Variants in GSE1 observed in about 807,000 individuals in gnomAD.
The protein encoded by GSE1 is Gse1 coiled-coil protein.
In GSE1, 32 loss-of-function variants were observed where a neutral mutation model predicts 112.6. The observed-to-expected ratio is 0.28, with a 90% confidence interval of 0.21 to 0.38. The LOEUF (loss-of-function observed/expected upper bound fraction) is 0.38, where lower values mean the gene tolerates loss of function less well. Among genes scored for constraint, GSE1 ranks in the 10% least tolerant of loss-of-function variants. The probability of loss-of-function intolerance (pLI) is 1.00; values close to 1 mark genes in which losing one functional copy is unlikely to be tolerated. For missense variants in GSE1, 2,348 were observed against 1,699.2 expected (o/e 1.38, Z -6.71); for synonymous variants, 1,115 against 735.6 (o/e 1.52, Z -8.35).
intron 2 of GSE1, among the ~76,000 whole-genome samples, chr16:85,642,997 AG>A (rs945442032): frequency 2.6e-5 from 4 of 151,972 alleles, no homozygotes; most frequent in African/African-American, 9.7e-5. Flanking sequence ...ATGACTCTTC[AG>A]GGGGTGCCGG....
intron 1 of GSE1, among the ~76,000 whole-genome samples, chr16:85,613,824 G>A (rs1389061340): frequency 6.7e-6 from 1 of 148,366 alleles, no homozygotes; most frequent in Non-Finnish European, 1.5e-5. Flanking sequence ...GCGCCCCCGC[G>A]GCAGGTGCTG....
intron 2 of GSE1, among the ~76,000 whole-genome samples, chr16:85,388,038 A>AATG (rs1567728388): frequency 1.1e-4 from 2 of 18,574 alleles, no homozygotes; most frequent in Non-Finnish European, 1.3e-4. Context: ...ATGGATGAAC[A>AATG]GATGGATGGG....
chr16:85,358,784 A>T (rs924248053), intron 2 of GSE1, among the ~76,000 whole-genome samples: 1 of 152,114 alleles, frequency 6.6e-6, no homozygotes, highest in African/African-American at 2.4e-5. Flanking sequence ...CAGGCCACAA[A>T]ACAGGCCAGG....
chr16:85,396,816 C>T (rs923208374), intron 2 of GSE1, among the ~76,000 whole-genome samples: 6 of 152,190 alleles, frequency 3.9e-5, no homozygotes, highest in East Asian at 1.9e-4. Flanking sequence ...ATGGGCTGGG[C>T]GGTTGCCTGT....
intron 1 of GSE1, among the ~76,000 whole-genome samples, chr16:85,345,712 A>G (rs1222218782): frequency 6.6e-6 from 1 of 152,128 alleles, no homozygotes; most frequent in Non-Finnish European, 1.5e-5. Context: ...TTGTTTATTC[A>G]TACTCATGTT....
intron 1 of GSE1, among the ~76,000 whole-genome samples, chr16:85,212,427 C>T (rs551105468): frequency 7.4e-4 from 112 of 152,124 alleles, no homozygotes; most frequent in Middle Eastern, 3.4e-3. Context: ...AACAAAAAAA[C>T]AAACCTGGGG....
chr16:85,267,637 G>A (rs1444004396), intron 1 of GSE1, among the ~76,000 whole-genome samples: 1 of 152,164 alleles, frequency 6.6e-6, no homozygotes, highest in African/African-American at 2.4e-5. Context: ...GGATTGACCT[G>A]CCCTTGTTCC....
intron 1 of GSE1, among the ~76,000 whole-genome samples, chr16:85,193,961 G>A (rs1267768763): frequency 6.6e-6 from 1 of 152,146 alleles, no homozygotes; most frequent in Non-Finnish European, 1.5e-5. Flanking sequence ...GCACTTGTGT[G>A]TGTGTGTGCG....
At chr16:85,367,670 C>G (rs916664560) in intron 2 of GSE1, among the ~76,000 whole-genome samples, 1 of 152,156 alleles carries the variant, frequency 6.6e-6, no homozygotes, top group African/African-American at 2.4e-5. Context: ...GCATGCTTAC[C>G]CTCACCATGA....
At chr16:85,298,887 G>A (rs888041429) in intron 1 of GSE1, among the ~76,000 whole-genome samples, 2 of 152,246 alleles carry the variant, frequency 1.3e-5, no homozygotes, top group African/African-American at 4.8e-5. Flanking sequence ...GTTTATGGGT[G>A]TTTATGTCTG....
intron 1 of GSE1, among the ~76,000 whole-genome samples, chr16:85,624,447 C>A (rs968677972): frequency 6.6e-6 from 1 of 152,216 alleles, no homozygotes; most frequent in African/African-American, 2.4e-5. Flanking sequence ...CCAGAGCCTT[C>A]CTATTCCCAG....
At chr16:85,629,083 C>G (rs1407435893) in intron 1 of GSE1, among the ~76,000 whole-genome samples, 1 of 152,216 alleles carries the variant, frequency 6.6e-6, no homozygotes, top group Non-Finnish European at 1.5e-5. Flanking sequence ...CCCTCTCTCA[C>G]CACTGGATGT....
upstream of GSE1, among the ~76,000 whole-genome samples, chr16:85,551,146 A>G (rs140244456): frequency 3.1e-4 from 47 of 152,094 alleles, no homozygotes; most frequent in African/African-American, 9.6e-4. Context: ...CCTCTTTTCC[A>G]TAAATGTCTG....
chr16:85,170,130 G>A, exon 1 of GSE1: 2 of 985,316 alleles, frequency 2.0e-6, no homozygotes, highest in Non-Finnish European at 2.4e-6. Context: ...GGGCCCCAGG[G>A]CCAGGGCCTC....
rs186704527 is a variant in GSE1, at chr16:85,480,043, C to T, written c.2464+122400C>T. On this transcript the variant is annotated intron_variant, in intron 2 of 2. Transcript: ENST00000637419. Reference sequence around the variant, plus strand: ...CGGGTGATGTTTCTCTGCCATTGCCCGTGTTCCTGGCCGGTCCCCAGCACT... The same window carrying T: ...CGGGTGATGTTTCTCTGCCATTGCCTGTGTTCCTGGCCGGTCCCCAGCACT... 2.9e-3 allele frequency among the ~76,000 whole-genome samples: 440 copies of T among 152,308 alleles called. 2 individuals are homozygous for T. The highest frequency in any genetic ancestry group is 0.017 in the Middle Eastern group (5 of 294).
intron 1 of GSE1, among the ~76,000 whole-genome samples, chr16:85,631,451 G>A (rs1242028071): frequency 6.6e-6 from 1 of 152,218 alleles, no homozygotes; most frequent in Admixed American, 6.5e-5. Context: ...CACGGGGCTT[G>A]TGGGCAGGGT....
At chr16:85,615,836 C>T (rs958320550) in intron 1 of GSE1, among the ~76,000 whole-genome samples, 1 of 152,228 alleles carries the variant, frequency 6.6e-6, no homozygotes, top group Non-Finnish European at 1.5e-5. Context: ...GTTCCTGACC[C>T]GGGTCTGGGG....
chr16:85,179,046 C>CAGA (rs2074527438), intron 1 of GSE1, among the ~76,000 whole-genome samples: 1 of 152,150 alleles, frequency 6.6e-6, no homozygotes, highest in South Asian at 2.1e-4. Context: ...TGAAAGTGTA[C>CAGA]AGTTCAGTGG....
intron 1 of GSE1, among the ~76,000 whole-genome samples, chr16:85,615,413 C>A (rs950772578): frequency 6.6e-6 from 1 of 152,194 alleles, no homozygotes; most frequent in Non-Finnish European, 1.5e-5. Flanking sequence ...CTCCTGCGGG[C>A]CGGGTGCGAG....
Sources: gnomAD v4.1 joint callset for allele counts (sites outside exome capture counted in the v4.1 genomes callset) on GRCh38, gnomAD v4.1.1 for gene constraint, MANE v1.5 for transcripts, NCBI Gene and HGNC (gene_info 2026-07-23, HGNC 2026-07-21) for gene names.